Variants in SIK2 observed in about 807,000 individuals in gnomAD.
SIK2 encodes the protein salt inducible kinase 2.
A neutral mutation model predicts 103.2 loss-of-function variants in SIK2; 29 were observed. The observed-to-expected ratio is 0.28, with a 90% CI of 0.21 to 0.38. The LOEUF is 0.38. Among genes scored for constraint, SIK2 ranks in the 10% least tolerant of loss-of-function variants. SIK2 has a pLI of 1.00. For synonymous variants in SIK2, 412 were observed against 446.1 expected, an observed-to-expected ratio of 0.92 and a Z score of 0.96; for missense variants, 879 against 1,171.0, an observed-to-expected ratio of 0.75 and a Z score of 3.64.
chr11:111,622,551 G>C (rs1004785733), intron 3 of SIK2, among the ~76,000 whole-genome samples: 3 of 152,082 alleles, frequency 2.0e-5, no homozygotes, highest in Non-Finnish European at 4.4e-5. Flanking sequence ...ACCGCACCCG[G>C]CGTCTGAAGG....
intron 3 of SIK2, among the ~76,000 whole-genome samples, chr11:111,651,807 C>T (rs1423277270): frequency 1.3e-5 from 2 of 152,166 alleles, no homozygotes; most frequent in East Asian, 1.9e-4. Context: ...TATTTTGCTA[C>T]AGCGTAAGTT....
At chr11:111,719,551 C>T (rs1191675242) in intron 9 of SIK2, among the ~76,000 whole-genome samples, 1 of 152,182 alleles carries the variant, frequency 6.6e-6, no homozygotes, top group Non-Finnish European at 1.5e-5. Context: ...ACCTGGGCAG[C>T]AGTGCCAGTT....
chr11:111,661,961 A>G (rs1942473279), intron 3 of SIK2, among the ~76,000 whole-genome samples: 1 of 152,242 alleles, frequency 6.6e-6, no homozygotes, highest in Non-Finnish European at 1.5e-5. Context: ...GCCAAACCAT[A>G]TCAGTCTGTA....
intron 3 of SIK2, among the ~76,000 whole-genome samples, chr11:111,659,831 T>G (rs1420234221): frequency 6.6e-6 from 1 of 152,186 alleles, no homozygotes; most frequent in Non-Finnish European, 1.5e-5. Flanking sequence ...TTATCTCCTG[T>G]AACAGGAAAT....
At chr11:111,677,635 G>A (rs1485419633) in intron 3 of SIK2, among the ~76,000 whole-genome samples, 2 of 128,732 alleles carry the variant, frequency 1.6e-5, no homozygotes, top group Admixed American at 9.4e-5. Context: ...ACAGGGTTTC[G>A]CCAGGCTAGT....
intron 4 of SIK2, among the ~76,000 whole-genome samples, chr11:111,695,034 A>G (rs1943037157): frequency 6.6e-6 from 1 of 152,210 alleles, no homozygotes; most frequent in African/African-American, 2.4e-5. Context: ...GGTGGGCAAC[A>G]AAGTATGCAT....
chr11:111,706,476 T>G (rs1445965656), intron 8 of SIK2, among the ~76,000 whole-genome samples: 1 of 152,222 alleles, frequency 6.6e-6, no homozygotes, highest in Non-Finnish European at 1.5e-5. Context: ...CTTCTGTAAC[T>G]GACTTTGTTC....
chr11:111,678,217 C>A (rs1000310396), intron 3 of SIK2, among the ~76,000 whole-genome samples: 4 of 152,164 alleles, frequency 2.6e-5, no homozygotes, highest in African/African-American at 9.7e-5. Context: ...ACAGTGGCCT[C>A]ACCCAGATAC....
At position 111,722,734 on chromosome 11, in the gene SIK2, G is replaced by C. The variant is rs1265390652; in HGVS notation, c.2125G>C (p.Glu709Gln). ...TTGCAAAGAACCACCGCGGAGCCTT[G>C]AGCAGCAGCTGCAGGAACATAGGTG... Reference protein sequence around the residue: ...LYCKEPPRSLEQQLQEHRLQQ... With the variant: ...LYCKEPPRSLQQQLQEHRLQQ... The change falls in exon 14 of 15, where the codon GAG becomes CAG. Residue 709 changes from glutamate (E) to glutamine (Q), a missense_variant. Transcript: ENST00000304987. This position sits in a 1 kb window ranked among gnomAD's most constrained non-coding sequence, Gnocchi z 4.4. 6.2e-7 allele frequency: 1 copy of C among 1,614,032 alleles called. No individual in the cohort carries two copies. The highest frequency in any genetic ancestry group is 1.1e-5 in the South Asian group (1 of 91,052).
intron 4 of SIK2, among the ~76,000 whole-genome samples, chr11:111,699,859 C>CACA (rs1943169206): frequency 6.6e-6 from 1 of 152,190 alleles, no homozygotes; most frequent in Admixed American, 6.5e-5. Flanking sequence ...CAAATCCAGT[C>CACA]AATCTGTCTG....
rs370964064 is a variant in SIK2, at chr11:111,711,735, G to C, written c.1102-476G>C. On this transcript the variant is annotated intron_variant, in intron 8 of 14. Transcript: ENST00000304987. Reference sequence around the variant, plus strand: ...ACCATCTCACCTACACCAAAAAGGCGGGTAGGGCAGGCAGAGACACAGCAC... The same window carrying C: ...ACCATCTCACCTACACCAAAAAGGCCGGTAGGGCAGGCAGAGACACAGCAC... 2.0e-5 allele frequency among the ~76,000 whole-genome samples: 3 copies of C among 152,174 alleles called. No individual in the cohort carries two copies. The East Asian group carries it at 5.8e-4, about 29-fold the overall frequency.
intron 10 of SIK2, 48 bp downstream of exon 10, chr11:111,720,051 A>C: frequency 6.4e-7 from 1 of 1,558,558 alleles, no homozygotes; most frequent in Non-Finnish European, 8.7e-7. Flanking sequence ...GCATCATGTC[A>C]TACTCCAATT....
chr11:111,707,269 G>A (rs1297731165), intron 8 of SIK2, among the ~76,000 whole-genome samples: 1 of 152,156 alleles, frequency 6.6e-6, no homozygotes, highest in Admixed American at 6.5e-5. Flanking sequence ...GTGGTGAGGG[G>A]TTATATAAAC....
At chr11:111,715,837 T>C (rs1943627372) in intron 9 of SIK2, among the ~76,000 whole-genome samples, 1 of 147,672 alleles carries the variant, frequency 6.8e-6, no homozygotes, top group Non-Finnish European at 1.5e-5. Flanking sequence ...GTATCACTCT[T>C]GTCACCCAGG....
chr11:111,622,995 C>A (rs1431480190), intron 3 of SIK2, among the ~76,000 whole-genome samples: 1 of 152,114 alleles, frequency 6.6e-6, no homozygotes, highest in Admixed American at 6.5e-5. Flanking sequence ...ACTAATTTTT[C>A]TCTTCCACCC....
chr11:111,714,509 C>T (rs1045605132), intron 9 of SIK2, among the ~76,000 whole-genome samples: 23 of 152,258 alleles, frequency 1.5e-4, no homozygotes, highest in Non-Finnish European at 2.5e-4. Context: ...ACCAGGAAGA[C>T]AGGTTAGAGC....
In SIK2 at chr11:111,723,679, C is replaced by A; in HGVS notation, c.2331C>A (p.Val777=). 8 of 1,614,162 alleles carry A rather than the reference C, an allele frequency of 5.0e-6. No homozygotes were observed. Among genetic ancestry groups the A allele is most frequent in the Non-Finnish European group, 6.8e-6 (8 of 1,180,028 alleles). The part of the protein sequence containing the change: ...PFSLTQPLSP[V]LEPSSEQMQY... Reference sequence around the variant, plus strand: ...GCCTGACCCAGCCCCTGAGCCCCGTCCTGGAGCCTTCCTCCGAGCAGATGC... The same window carrying A: ...GCCTGACCCAGCCCCTGAGCCCCGTACTGGAGCCTTCCTCCGAGCAGATGC... The change falls in exon 15 of 15, where the codon GTC becomes GTA. Residue 777 remains valine (V), a synonymous_variant. Transcript: ENST00000304987.
intron 4 of SIK2, among the ~76,000 whole-genome samples, chr11:111,696,328 T>A (rs1243715546): frequency 6.6e-6 from 1 of 152,178 alleles, no homozygotes; most frequent in Non-Finnish European, 1.5e-5. Flanking sequence ...AATTGAAGCT[T>A]AGTTTTGATA....
At chr11:111,644,967 C>G (rs528745403) in intron 3 of SIK2, among the ~76,000 whole-genome samples, 2 of 152,202 alleles carry the variant, frequency 1.3e-5, no homozygotes, top group South Asian at 2.1e-4. Context: ...GAGTGTCAAG[C>G]ATTGTTTCAG....
Sources: gnomAD v4.1 joint callset for allele counts (sites outside exome capture counted in the v4.1 genomes callset) on GRCh38, gnomAD v4.1.1 for gene constraint, Gnocchi (gnomAD v3.1) non-coding constraint, MANE v1.5 for transcripts, NCBI Gene and HGNC (gene_info 2026-07-23, HGNC 2026-07-21) for gene names.